Variants in AP2A1 observed in about 807,000 individuals in gnomAD.
AP2A1 encodes AP-2 complex subunit alpha-1.
Under a neutral mutation model 107.3 loss-of-function variants are expected in AP2A1, and 21 were observed. The observed-to-expected ratio is 0.20, with a 90% confidence interval of 0.14 to 0.28. The LOEUF is 0.28. AP2A1 is among the 10% of genes least tolerant of loss of function. The pLI, the probability that AP2A1 is intolerant of heterozygous loss-of-function variation, is 1.00. For missense variants in AP2A1, 873 were observed against 1,307.7 expected (o/e 0.67, Z 5.13); for synonymous variants, 602 against 564.8 (o/e 1.07, Z -0.93).
chr19:49,801,839 C>A lies in AP2A1; in HGVS notation c.1903C>A (p.Pro635Thr). The A allele has an allele frequency of 6.6e-7, 1 of 1,515,712 alleles. No individual in the cohort carries two copies. Among genetic ancestry groups the A allele is most frequent in the Non-Finnish European group, 8.8e-7 (1 of 1,134,706 alleles). The allele number at this position is 1,515,712 out of a possible 1,614,324, so 93.9% of individuals were successfully genotyped here. The change falls in exon 14 of 23, where the codon CCC becomes ACC. Residue 635 changes from proline (P) to threonine (T), a missense_variant. By Grantham distance (38) the Pro-to-Thr change is conservative. Transcript: ENST00000354293. Reference sequence around the variant, plus strand: ...CGCCCTGGACGATGGCCGGAGGGACCCCAGCAGCAACGACATCAACGGGGG... The same window carrying A: ...CGCCCTGGACGATGGCCGGAGGGACACCAGCAGCAACGACATCAACGGGGG... The part of the protein sequence containing the change: ...GSALDDGRRD[P>T]SSNDINGGME...
At chr19:49,776,627 T>A (rs2084620121) in intron 1 of AP2A1, among the ~76,000 whole-genome samples, 1 of 143,310 alleles carries the variant, frequency 7.0e-6, no homozygotes, top group African/African-American at 2.6e-5. Flanking sequence ...GTGAGCTCAT[T>A]CCCCCTGTTG....
At chr19:49,805,798 G>T in intron 20 of AP2A1, 21 bp downstream of exon 20, 2 of 1,598,064 alleles carry the variant, frequency 1.3e-6, no homozygotes, top group Non-Finnish European at 1.7e-6. Flanking sequence ...GGGAGGGGGC[G>T]GAGCCAAAGC....
intron 1 of AP2A1, among the ~76,000 whole-genome samples, chr19:49,769,329 G>A (rs1328039523): frequency 6.6e-6 from 1 of 152,138 alleles, no homozygotes; most frequent in African/African-American, 2.4e-5. Flanking sequence ...ATATGCACAG[G>A]GAACACCCTG....
At chr19:49,782,346 C>T (rs1486755084) in intron 3 of AP2A1, among the ~76,000 whole-genome samples, 185 bp from the exon 4 acceptor site, 2 of 147,558 alleles carry the variant, frequency 1.4e-5, no homozygotes, top group Non-Finnish European at 3.0e-5. Flanking sequence ...GGGGCCTGGA[C>T]TCGTGGGTCT....
Position 49,806,670 on chromosome 19 carries a change from C to T in AP2A1, c.2791-11C>T. 1 of 1,612,430 alleles carries T rather than the reference C, an allele frequency of 6.2e-7. No homozygotes were observed. The highest frequency in any genetic ancestry group is 8.5e-7 in the Non-Finnish European group (1 of 1,179,754). ...TCTCCTCTGAGTTCTGCCCCCAATGCCCCCACCCAGATGTACCGGCTGACC... is the reference window on the plus strand; with the variant it reads ...TCTCCTCTGAGTTCTGCCCCCAATGTCCCCACCCAGATGTACCGGCTGACC... On this transcript the variant is annotated splice_polypyrimidine_tract_variant and intron_variant, in intron 22 of 22. Coordinates refer to ENST00000354293, the MANE Select transcript of AP2A1 (RefSeq NM_130787.3).
intron 4 of AP2A1, among the ~76,000 whole-genome samples, chr19:49,790,816 A>T (rs899504008): frequency 3.9e-5 from 6 of 152,170 alleles, no homozygotes; most frequent in African/African-American, 1.4e-4. Flanking sequence ...CCATTTTCTC[A>T]GTTTGTTGTG....
At chr19:49,801,193 G>C (rs1434705977) in intron 12 of AP2A1, 135 bp downstream of exon 12, 2 of 1,014,244 alleles carry the variant, frequency 2.0e-6, no homozygotes, top group African/African-American at 3.3e-5. Flanking sequence ...CCACCTAGCA[G>C]GGTAAGAAAG....
At chr19:49,781,281 C>T (rs1189226561) in intron 1 of AP2A1, among the ~76,000 whole-genome samples, 1 of 152,080 alleles carries the variant, frequency 6.6e-6, no homozygotes, top group East Asian at 1.9e-4. Context: ...GGACAGCACC[C>T]AAGGGTCTGA....
At chr19:49,773,324 G>T (rs1489840168) in intron 1 of AP2A1, among the ~76,000 whole-genome samples, 2 of 152,172 alleles carry the variant, frequency 1.3e-5, no homozygotes, top group Non-Finnish European at 2.9e-5. Flanking sequence ...TGAGCCAATG[G>T]GAGCGGGGTG....
At chr19:49,787,673 G>T (rs1361334811) in intron 4 of AP2A1, among the ~76,000 whole-genome samples, 2 of 151,992 alleles carry the variant, frequency 1.3e-5, no homozygotes, top group East Asian at 3.9e-4. Context: ...AAGGTGTTCA[G>T]TTCAGTGGTT....
In AP2A1 at chr19:49,806,778, G is replaced by A. The variant is rs954642092; in HGVS notation, c.*20G>A. 1 of 1,613,482 alleles carries A rather than the reference G, an allele frequency of 6.2e-7. No homozygotes were observed. The highest frequency in any genetic ancestry group is 1.3e-5 in the African/African-American group (1 of 74,914). ...TTCTGAGCCCTGGACTCTGCCCCGGGGGATGTGGCCGGCACTGGGCAGCCC... is the reference window on the plus strand; with the variant it reads ...TTCTGAGCCCTGGACTCTGCCCCGGAGGATGTGGCCGGCACTGGGCAGCCC... On this transcript the variant is annotated 3_prime_UTR_variant, in exon 23 of 23. Coordinates refer to ENST00000354293, the MANE Select transcript of AP2A1 (RefSeq NM_130787.3).
In AP2A1 at chr19:49,799,241, G is replaced by A. The variant is rs999724600; in HGVS notation, c.966-86G>A. ...GTTAAGACCTGGATCCTTGGGGGCT[G>A]TGAGATGGGTCAGCTGGGGCCCGAG... On this transcript the variant is annotated intron_variant, in intron 8 of 22. Coordinates refer to ENST00000354293, the MANE Select transcript of AP2A1 (RefSeq NM_130787.3). 4.1e-6 allele frequency: 6 copies of A among 1,456,822 alleles called. No individual in the cohort carries two copies. In the African/African-American group the frequency reaches 5.6e-5, roughly 14 times the overall value. 90.2% of individuals were successfully genotyped at this position (1,456,822 alleles called of 1,614,324 possible).
At chr19:49,802,500 C>G (rs1159719723) in intron 15 of AP2A1, 2 of 1,601,374 alleles carry the variant, frequency 1.2e-6, no homozygotes, top group Non-Finnish European at 1.7e-6. Context: ...CCACGCCTGT[C>G]TTCTCTTGTC....
intron 7 of AP2A1, chr19:49,796,465 G>A (rs1285087794): frequency 6.6e-6 from 1 of 152,322 alleles, no homozygotes; most frequent in Non-Finnish European, 1.5e-5. Context: ...TGAGGGGCTT[G>A]GCACACAGTA....
intron 4 of AP2A1, among the ~76,000 whole-genome samples, chr19:49,789,657 C>T (rs1600229085): frequency 7.0e-6 from 1 of 142,540 alleles, no homozygotes; most frequent in South Asian, 2.4e-4. Flanking sequence ...CGGTCTCAAA[C>T]ACCTGGCCTC....
At chr19:49,794,429 T>G (rs1374741366) in intron 6 of AP2A1, among the ~76,000 whole-genome samples, 1 of 151,290 alleles carries the variant, frequency 6.6e-6, no homozygotes, top group Non-Finnish European at 1.5e-5. Flanking sequence ...CTCAAACTCC[T>G]GGCTTCAAGT....
chr19:49,792,093 T>C, intron 5 of AP2A1, 29 bp downstream of exon 5: 1 of 1,603,220 alleles, frequency 6.2e-7, no homozygotes, highest in Non-Finnish European at 8.5e-7. Flanking sequence ...CACCCCCGGA[T>C]ACCCAGGGCT....
At chr19:49,803,430 C>T in intron 18 of AP2A1, 54 bp downstream of exon 18, 1 of 1,496,186 alleles carries the variant, frequency 6.7e-7, no homozygotes. Context: ...GCCTTCCTCA[C>T]CGTGGGGAAG....
intron 4 of AP2A1, among the ~76,000 whole-genome samples, chr19:49,783,283 G>A (rs1276664925): frequency 4.6e-5 from 7 of 152,268 alleles, no homozygotes; most frequent in Admixed American, 6.5e-5. Context: ...GAGTCTAGGA[G>A]TTTGAGACCA....
Sources: allele counts gnomAD v4.1 joint callset (sites outside exome capture counted in the v4.1 genomes callset), GRCh38; gene constraint gnomAD v4.1.1; transcripts MANE v1.5; gene names NCBI Gene and HGNC (gene_info 2026-07-23, HGNC 2026-07-21).